HPSE2: variants seen among roughly 807,000 people sequenced by gnomAD.
HPSE2 encodes the protein inactive heparanase-2.
Under a neutral mutation model 60.5 loss-of-function variants are expected in HPSE2, and 38 were observed. The observed-to-expected ratio is 0.63, with a 90% CI of 0.48 to 0.82. The LOEUF (loss-of-function observed/expected upper bound fraction) is 0.82, where lower values mean the gene tolerates loss of function less well. HPSE2 is among the 40% of genes least tolerant of loss of function. HPSE2 has a pLI of 0.00. For synonymous variants in HPSE2, 295 were observed against 293.2 expected (o/e 1.01, Z -0.06); for missense variants, 713 against 740.4 (o/e 0.96, Z 0.43).
intron 3 of HPSE2, among the ~76,000 whole-genome samples, chr10:98,774,369 A>C (rs955258102): frequency 6.6e-6 from 1 of 152,166 alleles, no homozygotes; most frequent in East Asian, 1.9e-4. Flanking sequence ...TTAAAACAAC[A>C]ACCACTACCA....
the HPSE2 span, among the ~76,000 whole-genome samples, chr10:99,245,718 G>A: frequency 2.9e-4 from 44 of 152,322 alleles, no homozygotes; most frequent in Admixed American, 1.0e-3. Flanking sequence ...GACTGATCTG[G>A]CAATACTTAG....
chr10:98,505,777 A>T (rs1942179914), intron 9 of HPSE2, among the ~76,000 whole-genome samples: 1 of 152,164 alleles, frequency 6.6e-6, no homozygotes, highest in South Asian at 2.1e-4. Flanking sequence ...CATTTATTAC[A>T]TCATCTCTCC....
intron 3 of HPSE2, among the ~76,000 whole-genome samples, chr10:99,088,396 T>C (rs1294618441): frequency 6.6e-6 from 1 of 152,142 alleles, no homozygotes; most frequent in Non-Finnish European, 1.5e-5. Context: ...AAGTCCATTG[T>C]ATCATTCTTA....
chr10:99,019,520 T>C (rs1000565884), intron 3 of HPSE2, among the ~76,000 whole-genome samples: 4 of 152,188 alleles, frequency 2.6e-5, no homozygotes, highest in Middle Eastern at 3.2e-3. Flanking sequence ...TATATGATTC[T>C]ACCTTGGTTT....
intron 7 of HPSE2, among the ~76,000 whole-genome samples, chr10:98,626,574 A>T (rs1029573351): frequency 6.6e-6 from 1 of 152,084 alleles, no homozygotes; most frequent in Non-Finnish European, 1.5e-5. Flanking sequence ...CACCCAAGAA[A>T]CCTAATGCAG....
chr10:99,315,920 G>A, the HPSE2 span, among the ~76,000 whole-genome samples: 4 of 152,176 alleles, frequency 2.6e-5, no homozygotes, highest in Admixed American at 6.5e-5. Flanking sequence ...CAAAGAGGGG[G>A]ATGCTCACCT....
At chr10:99,053,234 G>C (rs1196688928) in intron 3 of HPSE2, among the ~76,000 whole-genome samples, 19 of 151,852 alleles carry the variant, frequency 1.3e-4, no homozygotes, top group Non-Finnish European at 7.4e-5. Context: ...AAAAAGGATG[G>C]GTGAGAAGTT....
intron 2 of HPSE2, among the ~76,000 whole-genome samples, chr10:99,216,280 T>C (rs1417128418): frequency 6.8e-6 from 1 of 147,182 alleles, no homozygotes; most frequent in Non-Finnish European, 1.5e-5. Context: ...CTGCAACTTC[T>C]ACCTCTGGAG....
intron 3 of HPSE2, among the ~76,000 whole-genome samples, chr10:98,744,550 AC>A (rs1327189928): frequency 2.6e-5 from 4 of 151,906 alleles, no homozygotes; most frequent in African/African-American, 7.3e-5. Flanking sequence ...AAACAAAAAA[AC>A]AAAACAAACA....
chr10:98,585,649 T>G (rs1006986539), intron 9 of HPSE2, among the ~76,000 whole-genome samples: 4 of 151,504 alleles, frequency 2.6e-5, no homozygotes, highest in African/African-American at 7.3e-5. Flanking sequence ...AGTATGTTTT[T>G]GGTAAGTAAA....
chr10:98,755,606 G>A (rs1008072417), intron 3 of HPSE2, among the ~76,000 whole-genome samples: 6 of 152,148 alleles, frequency 3.9e-5, no homozygotes, highest in African/African-American at 1.4e-4. Context: ...TATAATAGAA[G>A]ACATGCTCGG....
chr10:98,987,743 C>T (rs1047229255), intron 3 of HPSE2, among the ~76,000 whole-genome samples: 1 of 152,118 alleles, frequency 6.6e-6, no homozygotes, highest in African/African-American at 2.4e-5. Context: ...ACCTAGAAAA[C>T]CCCATCGTCT....
intron 3 of HPSE2, among the ~76,000 whole-genome samples, chr10:98,759,257 G>A (rs1949951467): frequency 6.6e-6 from 1 of 152,046 alleles, no homozygotes; most frequent in Admixed American, 6.6e-5. Context: ...CCTGAGTGAT[G>A]AAATAATTTG....
At chr10:98,629,948 T>C (rs1946316496) in intron 7 of HPSE2, among the ~76,000 whole-genome samples, 1 of 152,242 alleles carries the variant, frequency 6.6e-6, no homozygotes, top group African/African-American at 2.4e-5. Context: ...AGTAATTGCA[T>C]ATAACCCATA....
At chr10:98,684,058 A>G (rs1048418792) in intron 6 of HPSE2, among the ~76,000 whole-genome samples, 6 of 152,210 alleles carry the variant, frequency 3.9e-5, no homozygotes, top group African/African-American at 1.2e-4. Flanking sequence ...AAACTCTACT[A>G]CAGGGTCTCA....
chr10:98,775,210 C>T (rs1211574211), intron 3 of HPSE2, among the ~76,000 whole-genome samples: 1 of 152,210 alleles, frequency 6.6e-6, no homozygotes, highest in Non-Finnish European at 1.5e-5. Context: ...GAATTGCAAT[C>T]CAGATTGCAG....
intron 3 of HPSE2, among the ~76,000 whole-genome samples, chr10:98,845,357 C>T (rs1411901040): frequency 6.6e-6 from 1 of 152,176 alleles, no homozygotes; most frequent in Admixed American, 6.5e-5. Flanking sequence ...CTGTTTGTTA[C>T]AGGTGGTTGG....
intron 2 of HPSE2, among the ~76,000 whole-genome samples, chr10:99,194,996 A>G (rs1240974382): frequency 6.6e-6 from 1 of 152,128 alleles, no homozygotes; most frequent in African/African-American, 2.4e-5. Flanking sequence ...AAATTCAACC[A>G]AGCCAAATAA....
At chr10:99,015,120 A>G (rs1957109137) in intron 3 of HPSE2, among the ~76,000 whole-genome samples, 1 of 152,052 alleles carries the variant, frequency 6.6e-6, no homozygotes, top group Non-Finnish European at 1.5e-5. Flanking sequence ...ACAATGAGAT[A>G]CCATCTCACA....
Sources: allele counts gnomAD v4.1 joint callset (sites outside exome capture counted in the v4.1 genomes callset), GRCh38; gene constraint gnomAD v4.1.1; transcripts MANE v1.5; gene names NCBI Gene and HGNC (gene_info 2026-07-23, HGNC 2026-07-21).